Variants in EEPD1 observed in about 807,000 individuals in gnomAD.
The protein encoded by EEPD1 is endonuclease/exonuclease/phosphatase family domain-containing protein 1.
EEPD1 carries 17 observed loss-of-function variants against 46.3 expected under a neutral mutation model. The observed-to-expected ratio is 0.37, with a 90% CI of 0.25 to 0.55. The LOEUF is 0.55. Ranked by LOEUF, EEPD1 falls within the 20% of genes least tolerant of loss-of-function variation. The pLI, the probability that EEPD1 is intolerant of heterozygous loss-of-function variation, is 0.83. For missense variants in EEPD1, 673 were observed against 745.6 expected (o/e 0.90, Z 1.13); for synonymous variants, 313 against 315.6 (o/e 0.99, Z 0.09).
Position 36,299,337 on chromosome 7 carries a change from GC to G in EEPD1, c.*135del. ...TCAGAGCATCAGCACTTGAGGCCTT[GC>G]CCCACGCCTTCTCTGTGGACCATTC... is the stretch of plus-strand genomic sequence containing the variant. On this transcript the variant is annotated 3_prime_UTR_variant, in exon 8 of 8. Transcript: ENST00000242108. The G allele has an allele frequency of 8.9e-7, 1 of 1,117,898 alleles. No homozygotes were observed. Among genetic ancestry groups the G allele is most frequent in the Non-Finnish European group, 1.3e-6 (1 of 796,134 alleles). The allele number at this position is 1,117,898 out of a possible 1,614,324, so 69.2% of individuals were successfully genotyped here. A position where few individuals can be genotyped will look rare whatever the true frequency, so the allele number is the denominator to read the frequency against.
chr7:36,182,625 T>C (rs1298624780), intron 2 of EEPD1, among the ~76,000 whole-genome samples: 1 of 152,270 alleles, frequency 6.6e-6, no homozygotes, highest in Non-Finnish European at 1.5e-5. Flanking sequence ...CCGCATGGCT[T>C]TCATCACAAG....
chr7:36,223,143 T>C (rs1338718408), intron 2 of EEPD1, among the ~76,000 whole-genome samples: 1 of 139,100 alleles, frequency 7.2e-6, no homozygotes, highest in Non-Finnish European at 1.6e-5. Context: ...AGAGTGAGAC[T>C]GTGTCTCAAA....
chr7:36,212,812 A>G (rs768649475), intron 2 of EEPD1, among the ~76,000 whole-genome samples: 7 of 152,326 alleles, frequency 4.6e-5, no homozygotes, highest in Admixed American at 2.0e-4. Flanking sequence ...AAAATTTCCT[A>G]TAACAAGCAT....
Position 36,278,500 on chromosome 7 carries a change from G to A in EEPD1, c.931-2615G>A, listed in dbSNP as rs576895816. Among the ~76,000 whole-genome samples the A allele has an allele frequency of 2.0e-5, 3 of 150,912 alleles. No individual in the cohort carries two copies. The East Asian group carries it at 5.8e-4, about 29-fold the overall frequency. On this transcript the variant is annotated intron_variant, in intron 3 of 7. Coordinates refer to ENST00000242108, the MANE Select transcript of EEPD1 (RefSeq NM_030636.3). ...TACCTGGTTGGCTGATCCCTTGGTG[G>A]GGGGGCGGTGGGGGGGGCGCTTCTT... is the stretch of plus-strand genomic sequence containing the variant.
intron 2 of EEPD1, among the ~76,000 whole-genome samples, chr7:36,161,173 G>A (rs992945883): frequency 1.3e-5 from 2 of 152,204 alleles, no homozygotes; most frequent in Admixed American, 6.5e-5. Flanking sequence ...GGAGAGGTTC[G>A]CATACATTCA....
chr7:36,161,756 A>G (rs372879772), intron 2 of EEPD1, among the ~76,000 whole-genome samples: 3 of 152,188 alleles, frequency 2.0e-5, no homozygotes, highest in South Asian at 4.1e-4. Flanking sequence ...ATTGCTACAG[A>G]AACTTTAAAA....
chr7:36,253,570 G>GT (rs1786781297), intron 3 of EEPD1, among the ~76,000 whole-genome samples: 1 of 152,034 alleles, frequency 6.6e-6, no homozygotes, highest in Non-Finnish European at 1.5e-5. Flanking sequence ...TTATTGAATT[G>GT]TTTTTTACTT....
intron 2 of EEPD1, among the ~76,000 whole-genome samples, chr7:36,207,491 A>G (rs1785842835): frequency 1.3e-5 from 2 of 152,046 alleles, no homozygotes; most frequent in Admixed American, 6.5e-5. Flanking sequence ...AAATCCTACC[A>G]CGTGTTCACA....
intron 2 of EEPD1, among the ~76,000 whole-genome samples, chr7:36,183,888 T>TTTTTTTGTTTTTTTTTTTTTTTTTTTTG (rs3053348): frequency 7.4e-6 from 1 of 135,418 alleles, no homozygotes; most frequent in Non-Finnish European, 1.6e-5. Context: ...TTTTTTTTTT[T>TTTTTTTGTTTTTTTTTTTTTTTTTTTTG]ATTTTTAAAA....
intron 6 of EEPD1, 57 bp downstream of exon 6, chr7:36,287,834 C>T: frequency 6.3e-7 from 1 of 1,590,554 alleles, no homozygotes; most frequent in Non-Finnish European, 8.6e-7. Context: ...AGCAGGGCTG[C>T]CTCTTCTGAG....
At chr7:36,251,380 G>A (rs1488519182) in intron 3 of EEPD1, among the ~76,000 whole-genome samples, 4 of 151,928 alleles carry the variant, frequency 2.6e-5, no homozygotes, top group Admixed American at 1.3e-4. Flanking sequence ...GCACAATCTC[G>A]GCTCACCACA....
intron 2 of EEPD1, among the ~76,000 whole-genome samples, chr7:36,183,086 C>G (rs1785302645): frequency 6.6e-6 from 1 of 152,172 alleles, no homozygotes. Context: ...AGGAGGGCGG[C>G]CTCATCCCTA....
chr7:36,197,296 G>A (rs1324359805), intron 2 of EEPD1, among the ~76,000 whole-genome samples: 2 of 144,388 alleles, frequency 1.4e-5, no homozygotes, highest in Admixed American at 1.3e-4. Flanking sequence ...AGGTGGGGGG[G>A]TCAGCCCCCC....
chr7:36,177,527 C>G (rs575865948), intron 2 of EEPD1, among the ~76,000 whole-genome samples: 4 of 152,274 alleles, frequency 2.6e-5, no homozygotes, highest in Admixed American at 2.6e-4. Flanking sequence ...TATTTGGTTT[C>G]TGTTCCTGCG....
At chr7:36,192,389 G>A (rs962318263) in intron 2 of EEPD1, among the ~76,000 whole-genome samples, 6 of 152,232 alleles carry the variant, frequency 3.9e-5, no homozygotes, top group African/African-American at 1.2e-4. Flanking sequence ...ACACTAGCAT[G>A]CCCAGATGGG....
At chr7:36,185,811 G>A (rs758227529) in intron 2 of EEPD1, among the ~76,000 whole-genome samples, 7 of 152,172 alleles carry the variant, frequency 4.6e-5, no homozygotes, top group Admixed American at 2.6e-4. Flanking sequence ...TTCATTTGGC[G>A]TGTCGGTAAG....
Position 36,297,031 on chromosome 7 carries a change from G to C in EEPD1, c.1354G>C (p.Gly452Arg). ...DVIILGDFGQ[G>R]PDSNDYDILR... Reference sequence around the variant, plus strand: ...CATTATCTTAGGGGATTTTGGCCAAGGGCCAGACAGCAATGACTATGATAT... The same window carrying C: ...CATTATCTTAGGGGATTTTGGCCAACGGCCAGACAGCAATGACTATGATAT... The change falls in exon 7 of 8, where the codon GGG (glycine) becomes CGG (arginine). Residue 452 changes from glycine to arginine, a missense_variant. Physicochemically the swap from Gly to Arg is moderately radical, Grantham distance 125. Coordinates refer to ENST00000242108, the MANE Select transcript of EEPD1 (RefSeq NM_030636.3). 6.2e-7 allele frequency: 1 copy of C among 1,614,210 alleles called. No homozygotes were observed. The highest frequency in any genetic ancestry group is 2.2e-5 in the East Asian group (1 of 44,886).
In EEPD1 at chr7:36,246,577, C is replaced by T. The variant is rs867018752; in HGVS notation, c.930+7541C>T. On this transcript the variant is annotated intron_variant, in intron 3 of 7. Coordinates refer to ENST00000242108, the MANE Select transcript of EEPD1 (RefSeq NM_030636.3). ...GTCCTTACTTCTCTCTGGAGAAGCCCAACTTGAGATCGATCTGTTGCCATT... is the reference window on the plus strand; with the variant it reads ...GTCCTTACTTCTCTCTGGAGAAGCCTAACTTGAGATCGATCTGTTGCCATT... Among the ~76,000 whole-genome samples, 9 of 152,266 alleles carry T rather than the reference C, an allele frequency of 5.9e-5. No individual in the cohort carries two copies. In the Middle Eastern group the frequency reaches 0.017, roughly 288 times the overall value.
intron 3 of EEPD1, among the ~76,000 whole-genome samples, chr7:36,278,499 G>T (rs553789002): frequency 6.6e-6 from 1 of 151,054 alleles, no homozygotes; most frequent in Non-Finnish European, 1.5e-5. Context: ...ATCCCTTGGT[G>T]GGGGGGCGGT....
Sources: allele counts gnomAD v4.1 joint callset (sites outside exome capture counted in the v4.1 genomes callset), GRCh38; gene constraint gnomAD v4.1.1; transcripts MANE v1.5; gene names NCBI Gene and HGNC (gene_info 2026-07-23, HGNC 2026-07-21).